The following PGAP1 variants were observed in gnomAD, a reference collection of about 807,000 sequenced individuals.
PGAP1 encodes the protein GPI inositol-deacylase.
Under a neutral mutation model 127.0 loss-of-function variants are expected in PGAP1, and 76 were observed. The ratio of observed to expected loss-of-function variants is 0.60; its 90% CI spans 0.50 to 0.72. The LOEUF is 0.72. Ranked by LOEUF, PGAP1 falls within the 30% of genes least tolerant of loss-of-function variation. The probability of loss-of-function intolerance (pLI) is 0.00; values close to 1 mark genes in which losing one functional copy is unlikely to be tolerated. For synonymous variants in PGAP1, 362 were observed against 366.5 expected (o/e 0.99, Z 0.14); for missense variants, 982 against 1,071.3 (o/e 0.92, Z 1.16).
chr2:196,876,364 A>G lies in PGAP1; in HGVS notation c.1351-543T>C, dbSNP rs147940834. Among the ~76,000 whole-genome samples, 588 of 152,232 alleles carry G rather than the reference A, an allele frequency of 3.9e-3. 4 individuals carry two copies. The highest frequency in any genetic ancestry group is 6.5e-3 in the Non-Finnish European group (439 of 67,930). ...TTTGTGGAACACTATTTCAGGTTAA[A>G]CAGTTATCACAGTAAGTGGAAAAAA... On this transcript the variant is annotated intron_variant, in intron 13 of 26. Coordinates refer to ENST00000354764, the MANE Select transcript of PGAP1 (RefSeq NM_024989.4).
At position 196,839,420 on chromosome 2, in the gene PGAP1, TTC is replaced by T. The variant is rs1559324067; in HGVS notation, c.*1812_*1813del. ...TGGGACAAGTATATAATCTAATAAA[TTC>T]TCTCTCTTTCCTCTCCAGCTGAAAC... On this transcript the variant is annotated 3_prime_UTR_variant, in exon 27 of 27. Coordinates refer to ENST00000354764, the MANE Select transcript of PGAP1 (RefSeq NM_024989.4). 6.6e-6 allele frequency: 1 copy of T among 152,216 alleles called. No homozygotes were observed. Among genetic ancestry groups the T allele is most frequent in the Non-Finnish European group, 1.5e-5 (1 of 68,040 alleles). 9.4% of individuals were successfully genotyped at this position (152,216 alleles called of 1,614,324 possible).
intron 12 of PGAP1, among the ~76,000 whole-genome samples, chr2:196,882,753 CTGAGACGA>C (rs1031633515): frequency 6.6e-6 from 1 of 152,132 alleles, no homozygotes; most frequent in Non-Finnish European, 1.5e-5. Flanking sequence ...AGCTTTTGGG[CTGAGACGA>C]TGGAGTGTTC....
At chr2:196,888,255 T>C (rs1035513185) in intron 10 of PGAP1, among the ~76,000 whole-genome samples, 5 of 151,824 alleles carry the variant, frequency 3.3e-5, no homozygotes, top group African/African-American at 1.2e-4. Flanking sequence ...CTCAAAAAAT[T>C]CTGTCTACTG....
rs536583807 is a variant in PGAP1 at position 196,920,177 on chromosome 2, T to C, written c.148-27A>G. 2.1e-5 allele frequency: 33 copies of C among 1,582,454 alleles called. No individual in the cohort carries two copies. The African/African-American group carries it at 3.9e-4, about 19-fold the overall frequency. ...TACATTTAAAAAAAAGTAGTTTCAC[T>C]TTAATCAGTTTTATTAATACAATTC... On this transcript the variant is annotated intron_variant, in intron 1 of 26. Transcript: ENST00000354764.
chr2:196,858,257 C>T (rs1183107888), intron 20 of PGAP1, among the ~76,000 whole-genome samples: 1 of 151,900 alleles, frequency 6.6e-6, no homozygotes, highest in Non-Finnish European at 1.5e-5. Flanking sequence ...AAAAAATTAG[C>T]TGGGCATGGT....
intron 1 of PGAP1, among the ~76,000 whole-genome samples, chr2:196,923,491 C>T (rs993036902): frequency 2.0e-5 from 3 of 151,984 alleles, no homozygotes; most frequent in Non-Finnish European, 4.4e-5. Flanking sequence ...GCCCATTTCC[C>T]CCATTGTATT....
intron 1 of PGAP1, among the ~76,000 whole-genome samples, chr2:196,920,882 C>G (rs1559374446): frequency 6.6e-6 from 1 of 152,132 alleles, no homozygotes; most frequent in Non-Finnish European, 1.5e-5. Context: ...CACCTAACTA[C>G]TGAGTCAGTA....
intron 6 of PGAP1, 27 bp from the exon 7 acceptor site, chr2:196,897,224 TAA>T (rs1702310570): frequency 7.2e-7 from 1 of 1,388,518 alleles, no homozygotes; most frequent in East Asian, 2.4e-5. Flanking sequence ...GTGTTACAAA[TAA>T]AACTTTCTTA....
intron 6 of PGAP1, among the ~76,000 whole-genome samples, chr2:196,897,414 T>C (rs921600381): frequency 1.3e-5 from 2 of 152,198 alleles, no homozygotes; most frequent in Admixed American, 1.3e-4. Flanking sequence ...TTGCCAGAAT[T>C]TTCAGGGTCC....
At chr2:196,904,307 T>TC (rs886539717) in intron 4 of PGAP1, among the ~76,000 whole-genome samples, 1 of 152,092 alleles carries the variant, frequency 6.6e-6, no homozygotes, top group Non-Finnish European at 1.5e-5. Context: ...ACATGCAAGC[T>TC]CTGTCTGTAC....
chr2:196,845,790 T>C, intron 23 of PGAP1, 92 bp downstream of exon 23: 5 of 1,079,832 alleles, frequency 4.6e-6, no homozygotes, highest in Non-Finnish European at 6.4e-6. Context: ...ACAGTGTTTA[T>C]GAGAATTTTT....
chr2:196,866,690 C>T (rs1049026437), intron 19 of PGAP1, among the ~76,000 whole-genome samples: 1 of 152,008 alleles, frequency 6.6e-6, no homozygotes, highest in Non-Finnish European at 1.5e-5. Context: ...AGGCAACCTA[C>T]AGAATGGGGG....
intron 20 of PGAP1, among the ~76,000 whole-genome samples, chr2:196,858,174 G>A (rs1405391074): frequency 6.6e-6 from 1 of 152,044 alleles, no homozygotes; most frequent in Non-Finnish European, 1.5e-5. Flanking sequence ...GGCCGAGGTG[G>A]GCAGATCACG....
intron 12 of PGAP1, among the ~76,000 whole-genome samples, chr2:196,883,742 T>C (rs939830197): frequency 1.3e-5 from 2 of 152,234 alleles, no homozygotes; most frequent in Admixed American, 1.3e-4. Flanking sequence ...TGAATAAAAT[T>C]TATAAAATGT....
intron 10 of PGAP1, 131 bp downstream of exon 10, chr2:196,890,697 C>T (rs1036657709): frequency 4.7e-5 from 27 of 579,246 alleles, no homozygotes; most frequent in Admixed American, 1.5e-4. Flanking sequence ...TCAAAACACT[C>T]GTCCAGAGAA....
intron 5 of PGAP1, 44 bp from the exon 6 acceptor site, chr2:196,898,413 T>C: frequency 7.4e-7 from 1 of 1,360,198 alleles, no homozygotes. Flanking sequence ...GCACATTTGT[T>C]ATTCTCTAAA....
chr2:196,870,939 AC>A lies in PGAP1; in HGVS notation c.1767+1del, dbSNP rs1370628537. On this transcript the variant is annotated splice_donor_variant, in intron 19 of 26. Coordinates refer to ENST00000354764, the MANE Select transcript of PGAP1 (RefSeq NM_024989.4). LOFTEE classifies it high-confidence loss of function. ...AATCAACCAGCCAGGAATCTCTCTT[AC>A]CTGTCCAAGTATTTGTGAAAAGGAA... is the stretch of plus-strand genomic sequence containing the variant. The A allele has an allele frequency of 1.2e-6, 2 of 1,605,248 alleles. No individual in the cohort carries two copies. Among genetic ancestry groups the A allele is most frequent in the Non-Finnish European group, 1.7e-6 (2 of 1,172,656 alleles).
At chr2:196,889,010 T>C (rs1426580347) in intron 10 of PGAP1, among the ~76,000 whole-genome samples, 1 of 152,312 alleles carries the variant, frequency 6.6e-6, no homozygotes, top group Non-Finnish European at 1.5e-5. Flanking sequence ...TTTCTGCCTT[T>C]ATATAAGCTT....
chr2:196,926,434 T>C, intron 1 of PGAP1, 36 bp downstream of exon 1: 1 of 1,613,164 alleles, frequency 6.2e-7, no homozygotes, highest in Middle Eastern at 1.7e-4. Context: ...GGCCAGAGTC[T>C]TGGAGCGCCC....
Sources: allele counts gnomAD v4.1 joint callset (sites outside exome capture counted in the v4.1 genomes callset), GRCh38; gene constraint gnomAD v4.1.1; transcripts MANE v1.5; gene names NCBI Gene and HGNC (gene_info 2026-07-23, HGNC 2026-07-21).